The following CLNK variants were observed in gnomAD, a reference collection of about 807,000 sequenced individuals.
CLNK encodes cytokine-dependent hematopoietic cell linker.
CLNK carries 74 observed loss-of-function variants against 68.6 expected under a neutral mutation model. That is an observed-to-expected ratio of 1.08 (90% CI 0.89 to 1.31). CLNK has a LOEUF of 1.31. Among genes scored for constraint, CLNK ranks in the 50% most tolerant of loss-of-function variants. The pLI, the probability that CLNK is intolerant of heterozygous loss-of-function variation, is 0.00. For missense variants in CLNK, 553 were observed against 515.3 expected (o/e 1.07, Z -0.71); for synonymous variants, 198 against 172.2 (o/e 1.15, Z -1.17).
intron 8 of CLNK, among the ~76,000 whole-genome samples, chr4:10,545,254 A>G (rs1331923856): frequency 6.6e-6 from 1 of 152,110 alleles, no homozygotes; most frequent in Non-Finnish European, 1.5e-5. Context: ...CAAATTATCT[A>G]CTTCCAAGAT....
rs117518361 is a variant in CLNK at position 10,669,842 on chromosome 4, C to T, written c.-42-1931G>A. Among the ~76,000 whole-genome samples the T allele has an allele frequency of 2.4e-4, 36 of 152,202 alleles. 1 individual carries two copies. The East Asian group carries it at 7.0e-3, about 29-fold the overall frequency. ...TGTTAGGCTTTCATTCACTGATGGC[C>T]CACTGTGGCAGTGTGTAGAGTGTCT... is the stretch of plus-strand genomic sequence containing the variant. On this transcript the variant is annotated intron_variant, in intron 1 of 18. Coordinates refer to ENST00000226951, the MANE Select transcript of CLNK (RefSeq NM_052964.4).
intron 11 of CLNK, among the ~76,000 whole-genome samples, chr4:10,540,064 T>G (rs534735220): frequency 2.0e-5 from 3 of 152,342 alleles, no homozygotes; most frequent in African/African-American, 7.2e-5. Context: ...AAAGCTCATC[T>G]TTAATTGTAA....
At chr4:10,648,014 C>A (rs1164111898) in intron 2 of CLNK, among the ~76,000 whole-genome samples, 1 of 152,134 alleles carries the variant, frequency 6.6e-6, no homozygotes, top group Non-Finnish European at 1.5e-5. Context: ...CACTAACAGA[C>A]CCTGAAGATT....
chr4:10,558,274 T>G (rs1321803427), intron 8 of CLNK, 133 bp downstream of exon 8: 1 of 697,704 alleles, frequency 1.4e-6, no homozygotes, highest in African/African-American at 1.7e-5. Flanking sequence ...AGATAGTTAT[T>G]TCCTGAAGTG....
intron 1 of CLNK, among the ~76,000 whole-genome samples, chr4:10,668,758 CTT>C (rs1469004195): frequency 6.6e-6 from 1 of 152,112 alleles, no homozygotes; most frequent in East Asian, 1.9e-4. Flanking sequence ...GGAGCTGTGG[CTT>C]TCAGTTGTGG....
intron 15 of CLNK, among the ~76,000 whole-genome samples, chr4:10,514,961 G>T (rs764977677): frequency 2.6e-5 from 4 of 152,236 alleles, no homozygotes; most frequent in Non-Finnish European, 4.4e-5. Context: ...TCTGGGCCGG[G>T]TGTGGTGGCT....
At chr4:10,595,841 G>T (rs141757641) in intron 3 of CLNK, among the ~76,000 whole-genome samples, 2 of 152,046 alleles carry the variant, frequency 1.3e-5, no homozygotes, top group African/African-American at 4.8e-5. Flanking sequence ...ATCCAGTGAG[G>T]GTTACCTATT....
chr4:10,717,725 G>C, the CLNK span, among the ~76,000 whole-genome samples: 21 of 152,326 alleles, frequency 1.4e-4, no homozygotes, highest in Admixed American at 5.2e-4. Context: ...CCTTGTCAGA[G>C]TGGTATCAGT....
At position 10,648,714 on chromosome 4, in the gene CLNK, T is replaced by C. The variant is rs139576205; in HGVS notation, c.11+19145A>G. ...AGAGAAAATGAGGGCTCTGGCTTTC[T>C]GGTTCTGAGTCAATGGTTTCCCCTT... On this transcript the variant is annotated intron_variant, in intron 2 of 18. Transcript: ENST00000226951. 2.2e-3 allele frequency among the ~76,000 whole-genome samples: 338 copies of C among 152,330 alleles called. 4 individuals are homozygous for C. The highest frequency in any genetic ancestry group is 7.8e-3 in the African/African-American group (324 of 41,584).
chr4:10,665,444 T>C (rs533592272), intron 2 of CLNK, among the ~76,000 whole-genome samples: 24 of 152,014 alleles, frequency 1.6e-4, no homozygotes, highest in Admixed American at 5.9e-4. Context: ...GGCTGGCGGA[T>C]CATGAGGTCA....
At chr4:10,713,527 C>G in the CLNK span, among the ~76,000 whole-genome samples, 1 of 151,950 alleles carries the variant, frequency 6.6e-6, no homozygotes, top group Admixed American at 6.6e-5. Flanking sequence ...AGAGAGAGAC[C>G]TGGGGGTAGT....
At chr4:10,645,919 A>G (rs1162026161) in intron 2 of CLNK, among the ~76,000 whole-genome samples, 1 of 152,202 alleles carries the variant, frequency 6.6e-6, no homozygotes, top group Non-Finnish European at 1.5e-5. Context: ...GGGCTTGTGA[A>G]TTCTATTTAT....
the CLNK span, among the ~76,000 whole-genome samples, chr4:10,722,235 A>G: frequency 2.0e-5 from 3 of 152,136 alleles, no homozygotes; most frequent in African/African-American, 7.2e-5. Context: ...CAACTCACCA[A>G]TTTGGTGAAG....
intron 16 of CLNK, among the ~76,000 whole-genome samples, chr4:10,510,612 G>A (rs1045605551): frequency 6.6e-6 from 1 of 152,064 alleles, no homozygotes; most frequent in South Asian, 2.1e-4. Context: ...ATAGCTCTTC[G>A]GCACTAACAT....
intron 2 of CLNK, among the ~76,000 whole-genome samples, chr4:10,635,088 C>T (rs1723030536): frequency 6.6e-6 from 1 of 152,180 alleles, no homozygotes; most frequent in East Asian, 1.9e-4. Context: ...GACATTTTTA[C>T]TAACTGGTCA....
intron 2 of CLNK, among the ~76,000 whole-genome samples, chr4:10,665,662 CAAA>C (rs57998581): frequency 3.2e-4 from 20 of 62,888 alleles, no homozygotes; most frequent in African/African-American, 1.2e-3. Flanking sequence ...GACTTCGTCT[CAAA>C]AAAAAAAAAA....
At chr4:10,675,859 A>G (rs1216016756) in intron 1 of CLNK, among the ~76,000 whole-genome samples, 1 of 152,212 alleles carries the variant, frequency 6.6e-6, no homozygotes, top group African/African-American at 2.4e-5. Flanking sequence ...CTCAAGAATA[A>G]GGTCTATATT....
At chr4:10,722,687 TCCAC>T in the CLNK span, among the ~76,000 whole-genome samples, 1 of 152,282 alleles carries the variant, frequency 6.6e-6, no homozygotes, top group Admixed American at 6.5e-5. Flanking sequence ...TATTGTACAC[TCCAC>T]AGGGTGGGAG....
chr4:10,719,686 A>G, the CLNK span, among the ~76,000 whole-genome samples: 1 of 152,228 alleles, frequency 6.6e-6, no homozygotes, highest in Non-Finnish European at 1.5e-5. Context: ...TATCAAGGGT[A>G]TAGAAGAACT....
Sources: gnomAD v4.1 joint callset for allele counts (sites outside exome capture counted in the v4.1 genomes callset) on GRCh38, gnomAD v4.1.1 for gene constraint, MANE v1.5 for transcripts, NCBI Gene and HGNC (gene_info 2026-07-23, HGNC 2026-07-21) for gene names.